BEND5: variants seen among roughly 807,000 people sequenced by gnomAD.
BEND5 encodes the protein BEN domain-containing protein 5.
In BEND5, 22 loss-of-function variants were observed where a neutral mutation model predicts 43.9. The ratio of observed to expected loss-of-function variants is 0.50; its 90% CI spans 0.36 to 0.72. The LOEUF (loss-of-function observed/expected upper bound fraction) is 0.72, where lower values mean the gene tolerates loss of function less well. Ranked by LOEUF, BEND5 falls within the 30% of genes least tolerant of loss-of-function variation. The probability of loss-of-function intolerance (pLI) is 0.00; values close to 1 mark genes in which losing one functional copy is unlikely to be tolerated. For missense variants in BEND5, 428 were observed against 550.6 expected (o/e 0.78, Z 2.23); for synonymous variants, 228 against 225.9 (o/e 1.01, Z -0.08).
chr1:48,775,764 C>T (rs1033052886), intron 1 of BEND5, among the ~76,000 whole-genome samples: 1 of 152,216 alleles, frequency 6.6e-6, no homozygotes, highest in African/African-American at 2.4e-5. Flanking sequence ...AACCTCAGTA[C>T]CCTCATCTAC....
intron 1 of BEND5, among the ~76,000 whole-genome samples, chr1:48,766,960 G>A (rs1202061255): frequency 6.6e-6 from 1 of 152,202 alleles, no homozygotes; most frequent in South Asian, 2.1e-4. Flanking sequence ...GTGTGACTTC[G>A]TGAGAGACAC....
rs371764524 is a variant in BEND5, at chr1:48,776,769, C to A, written c.63G>T (p.Val21=). ...NVCYALPVSC[V]RDFSPRSRLD... Reference sequence around the variant, plus strand: ...GCCGCGAGCGGGGGCTGAAGTCGCGCACGCACGACACGGGCAGCGCGTAGC... The same window carrying A: ...GCCGCGAGCGGGGGCTGAAGTCGCGAACGCACGACACGGGCAGCGCGTAGC... Residue 21 remains valine (V), a synonymous_variant, in exon 1 of 6, where the codon GTG becomes GTT. Transcript: ENST00000371833. The A allele has an allele frequency of 1.5e-4, 227 of 1,525,232 alleles. 2 individuals are homozygous for A. The South Asian group carries it at 2.6e-3, about 17-fold the overall frequency. 94.5% of individuals were successfully genotyped at this position (1,525,232 alleles called of 1,614,324 possible).
intron 5 of BEND5, among the ~76,000 whole-genome samples, chr1:48,730,275 G>A (rs893300288): frequency 6.6e-6 from 1 of 152,168 alleles, no homozygotes; most frequent in Non-Finnish European, 1.5e-5. Flanking sequence ...GTAGGAACCT[G>A]AACCAAATGA....
At position 48,733,017 on chromosome 1, in the gene BEND5, G is replaced by C. The variant is rs535912324; in HGVS notation, c.1108+3222C>G. On this transcript the variant is annotated intron_variant, in intron 5 of 5. Coordinates refer to ENST00000371833, the MANE Select transcript of BEND5 (RefSeq NM_024603.4). ...GATTTAGAGACGAGGAAGTCACTGG[G>C]GACCTTGGTGAAAACACATTAAGCA... 9.7e-4 allele frequency among the ~76,000 whole-genome samples: 147 copies of C among 152,278 alleles called. 3 individuals carry two copies. The South Asian group carries it at 0.029, about 30-fold the overall frequency.
In BEND5 at chr1:48,742,637, G is replaced by A; in HGVS notation, c.880C>T (p.Leu294=). ...TAAAACACTACCTTGCCATTGTCTAGGATATACTTGTCCATGACAGGCGCA... is the reference window on the plus strand; with the variant it reads ...TAAAACACTACCTTGCCATTGTCTAAGATATACTTGTCCATGACAGGCGCA... ...APAPVMDKYI[L]DNGKVHLGSG... Residue 294 remains leucine (L), a synonymous_variant, in exon 4 of 6, where the codon CTA becomes TTA. Coordinates refer to ENST00000371833, the MANE Select transcript of BEND5 (RefSeq NM_024603.4). The A allele has an allele frequency of 6.3e-7, 1 of 1,598,070 alleles. No homozygotes were observed. Among genetic ancestry groups the A allele is most frequent in the Non-Finnish European group, 8.5e-7 (1 of 1,171,526 alleles).
Position 48,761,371 on chromosome 1 carries a change from TA to T in BEND5, c.325del (p.Tyr109MetfsTer34). On this transcript the variant is annotated frameshift_variant, in exon 2 of 6. Transcript: ENST00000371833. LOFTEE classifies it high-confidence loss of function. ...TCTAAGCTGTAAATCTTCTTCCCCATAATCTTTAACCTCTCCATCTTCTTCT... is the reference window on the plus strand; with the variant it reads ...TCTAAGCTGTAAATCTTCTTCCCCATATCTTTAACCTCTCCATCTTCTTCT... The part of the protein sequence containing the change: ...HVEEDGEVKD[Y>X]GEEDLQLRHI... 6.4e-7 allele frequency: 1 copy of T among 1,552,076 alleles called. No homozygotes were observed. The highest frequency in any genetic ancestry group is 8.7e-7 in the Non-Finnish European group (1 of 1,147,052).
At chr1:48,761,274 TTTAGCTACGAGA>T in intron 2 of BEND5, 51 bp downstream of exon 2, 1 of 1,479,812 alleles carries the variant, frequency 6.8e-7, no homozygotes, top group Non-Finnish European at 9.0e-7. Flanking sequence ...ACTGAAACTC[TTTAGCTACGAGA>T]TATCTGAAAA....
In BEND5 at chr1:48,736,091, G is replaced by T; in HGVS notation, c.1108+148C>A. 1.2e-6 allele frequency: 1 copy of T among 801,070 alleles called. No individual in the cohort carries two copies. 49.6% of individuals were successfully genotyped at this position (801,070 alleles called of 1,614,324 possible). On this transcript the variant is annotated intron_variant, in intron 5 of 5. Transcript: ENST00000371833. The surrounding 1 kb of genome is among the most constrained non-coding windows in gnomAD (Gnocchi z 4.0). ...AAATGTGAGCTCTTCTGGGGCATTT[G>T]GGTTATCCGCTTGGTGTCCCCGGGC...
intron 3 of BEND5, among the ~76,000 whole-genome samples, chr1:48,752,557 T>C (rs1312891656): frequency 6.6e-6 from 1 of 152,170 alleles, no homozygotes; most frequent in Admixed American, 6.5e-5. Flanking sequence ...TCATCCAGGG[T>C]TGACCAAAGA....
rs541114210 is a variant in BEND5 at position 48,750,690 on chromosome 1, T to C, written c.746-7919A>G. On this transcript the variant is annotated intron_variant, in intron 3 of 5. Coordinates refer to ENST00000371833, the MANE Select transcript of BEND5 (RefSeq NM_024603.4). ...CAATAATGTTCCCTGCACAAAAACA[T>C]TTCCCTACGGTCAGAGCTATCCAAT... Among the ~76,000 whole-genome samples the C allele has an allele frequency of 3.3e-5, 5 of 152,330 alleles. 1 individual carries two copies. The South Asian group carries it at 6.2e-4, about 19-fold the overall frequency.
At chr1:48,774,287 T>C (rs1467676263) in intron 1 of BEND5, among the ~76,000 whole-genome samples, 1 of 152,180 alleles carries the variant, frequency 6.6e-6, no homozygotes, top group South Asian at 2.1e-4. Context: ...CTCTCTGAAG[T>C]CACTGTAAGC....
chr1:48,776,667 C>G lies in BEND5; in HGVS notation c.165G>C (p.Pro55=). The G allele has an allele frequency of 2.0e-6, 3 of 1,497,322 alleles. No individual in the cohort carries two copies. The highest frequency in any genetic ancestry group is 1.3e-5 in the South Asian group (1 of 78,810). 92.8% of individuals were successfully genotyped at this position (1,497,322 alleles called of 1,614,324 possible). The change falls in exon 1 of 6, where the codon CCG becomes CCC. Residue 55 remains proline (P), a synonymous_variant. Transcript: ENST00000371833. ...EELGAGPESP[P]RAPRDWGALL... ...GCGCGCCCCAGTCGCGGGGGGCGCG[C>G]GGGGGGCTCTCGGGCCCGGCGCCCA...
At chr1:48,771,798 C>A (rs897303025) in intron 1 of BEND5, among the ~76,000 whole-genome samples, 1 of 152,204 alleles carries the variant, frequency 6.6e-6, no homozygotes, top group African/African-American at 2.4e-5. Context: ...CAATGCCAAG[C>A]TGGGACCTGA....
At chr1:48,750,605 G>T (rs868692562) in intron 3 of BEND5, among the ~76,000 whole-genome samples, 5 of 152,326 alleles carry the variant, frequency 3.3e-5, no homozygotes, top group Middle Eastern at 3.4e-3. Flanking sequence ...AGGTGGCAAG[G>T]GGGGCTTAAC....
intron 4 of BEND5, among the ~76,000 whole-genome samples, chr1:48,737,993 T>C (rs1649332169): frequency 1.3e-5 from 2 of 152,190 alleles, no homozygotes. Flanking sequence ...GAGACATCTC[T>C]GGAGAGGTCC....
At position 48,727,950 on chromosome 1, in the gene BEND5, A is replaced by AT; in HGVS notation, c.1201dup (p.Ile401AsnfsTer6). 1 of 1,611,516 alleles carries AT rather than the reference A, an allele frequency of 6.2e-7. No homozygotes were observed. The highest frequency in any genetic ancestry group is 8.5e-7 in the Non-Finnish European group (1 of 1,178,100). On this transcript the variant is annotated frameshift_variant, in exon 6 of 6. Transcript: ENST00000371833. LOFTEE classifies it high-confidence loss of function. ...TTTACAGGATTTATTGATATCCATGATTTTTTCACAGATGTACTTGTTGAC... is the reference window on the plus strand; with the variant it reads ...TTTACAGGATTTATTGATATCCATGATTTTTTTCACAGATGTACTTGTTGAC...
chr1:48,771,711 C>A (rs183497214), intron 1 of BEND5, among the ~76,000 whole-genome samples: 2 of 152,162 alleles, frequency 1.3e-5, no homozygotes, highest in Non-Finnish European at 2.9e-5. Context: ...CATATGAAAT[C>A]GGCTAGTCCT....
intron 2 of BEND5, chr1:48,760,907 C>T (rs1644223825): frequency 6.5e-6 from 1 of 154,416 alleles, no homozygotes; most frequent in Non-Finnish European, 1.4e-5. Context: ...TCTCACAAAT[C>T]CCTTCTGTGA....
intron 3 of BEND5, among the ~76,000 whole-genome samples, chr1:48,753,265 A>G (rs1652041147): frequency 6.6e-6 from 1 of 152,242 alleles, no homozygotes; most frequent in Admixed American, 6.5e-5. Flanking sequence ...GTGGGCTTTA[A>G]GATACCTAGA....
Sources: allele counts gnomAD v4.1 joint callset (sites outside exome capture counted in the v4.1 genomes callset), GRCh38; gene constraint gnomAD v4.1.1; non-coding constraint Gnocchi (gnomAD v3.1); transcripts MANE v1.5; gene names NCBI Gene and HGNC (gene_info 2026-07-23, HGNC 2026-07-21).